LHX6: variants seen among roughly 807,000 people sequenced by gnomAD.
LHX6 encodes LIM/homeobox protein Lhx6.
In LHX6, 15 loss-of-function variants were observed where a neutral mutation model predicts 47.1. The ratio of observed to expected loss-of-function variants is 0.32; its 90% CI spans 0.21 to 0.49. The LOEUF (loss-of-function observed/expected upper bound fraction) is 0.49, where lower values mean the gene tolerates loss of function less well. Ranked by LOEUF, LHX6 falls within the 20% of genes least tolerant of loss-of-function variation. The pLI is 0.99. For missense variants in LHX6, 404 were observed against 539.6 expected (o/e 0.75, Z 2.49); for synonymous variants, 242 against 233.5 (o/e 1.04, Z -0.33).
In LHX6 at chr9:122,214,129, A is replaced by G; in HGVS notation, c.784-60T>C. On this transcript the variant is annotated intron_variant, in intron 6 of 9. Coordinates refer to ENST00000394319, the MANE Select transcript of LHX6 (RefSeq NM_014368.5). The surrounding 1 kb of genome is among the most constrained non-coding windows in gnomAD (Gnocchi z 4.6). ...GCAGAGACTCCGAGACCCCGGCCCA[A>G]TCAGCGGCGCCAGTCCACAGGCCAC... 1 of 1,507,212 alleles carries G rather than the reference A, an allele frequency of 6.6e-7. No homozygotes were observed. The highest frequency in any genetic ancestry group is 9.0e-7 in the Non-Finnish European group (1 of 1,113,366). The allele number at this position is 1,507,212 out of a possible 1,614,324, so 93.4% of individuals were successfully genotyped here. A position where few individuals can be genotyped will look rare whatever the true frequency, so the allele number is the denominator to read the frequency against.
intron 4 of LHX6, among the ~76,000 whole-genome samples, chr9:122,220,420 C>G (rs1248410062): frequency 2.0e-5 from 3 of 152,208 alleles, no homozygotes; most frequent in Non-Finnish European, 4.4e-5. Context: ...TCACCCAGGA[C>G]AGGAGTCAGC....
Position 122,214,459 on chromosome 9 carries a change from G to T in LHX6, c.683-76C>A. 1 of 1,430,864 alleles carries T rather than the reference G, an allele frequency of 7.0e-7. No homozygotes were observed. Among genetic ancestry groups the T allele is most frequent in the Non-Finnish European group, 9.1e-7 (1 of 1,096,744 alleles). 88.6% of individuals were successfully genotyped at this position (1,430,864 alleles called of 1,614,324 possible). A position where few individuals can be genotyped will look rare whatever the true frequency, so the allele number is the denominator to read the frequency against. ...AGCCTGGAAAGGACGGGGGTGGGGG[G>T]AGCTTGTCCCTGGAAGGGTCAGGAG... On this transcript the variant is annotated intron_variant, in intron 5 of 9. Transcript: ENST00000394319. The surrounding 1 kb of genome is among the most constrained non-coding windows in gnomAD (Gnocchi z 4.6).
Position 122,214,080 on chromosome 9 carries a change from G to C in LHX6, c.784-11C>G, listed in dbSNP as rs775389739. 3 of 1,597,724 alleles carry C rather than the reference G, an allele frequency of 1.9e-6. No homozygotes were observed. The highest frequency in any genetic ancestry group is 3.5e-4 in the Middle Eastern group (2 of 5,654). On this transcript the variant is annotated splice_polypyrimidine_tract_variant and intron_variant, in intron 6 of 9. Coordinates refer to ENST00000394319, the MANE Select transcript of LHX6 (RefSeq NM_014368.5). This position sits in a 1 kb window ranked among gnomAD's most constrained non-coding sequence, Gnocchi z 4.6. ...CTGCGCCTGCATAACCTGCGGGGCGGGGAGGGCGGTGAGGCGCTCGCACGC... is the reference window on the plus strand; with the variant it reads ...CTGCGCCTGCATAACCTGCGGGGCGCGGAGGGCGGTGAGGCGCTCGCACGC...
chr9:122,228,716 C>T lies in LHX6; in HGVS notation c.25G>A (p.Ala9Thr). 1 of 1,291,492 alleles carries T rather than the reference C, an allele frequency of 7.7e-7. No individual in the cohort carries two copies. Among genetic ancestry groups the T allele is most frequent in the Non-Finnish European group, 9.8e-7 (1 of 1,018,458 alleles). The allele number at this position is 1,291,492 out of a possible 1,614,324, so 80.0% of individuals were successfully genotyped here. Residue 9 changes from alanine to threonine, a missense_variant, in exon 1 of 10, where the codon GCC becomes ACC. Physicochemically the swap from Ala to Thr is moderately conservative, Grantham distance 58. Around this residue, in one of 7 missense-constraint regions of LHX6, gnomAD observed 144 missense variants for 128.7 expected, o/e 1.12. Transcript: ENST00000394319. Reference protein sequence around the residue: MYWKHENAAPALPEGCRLP... With the variant: MYWKHENATPALPEGCRLP... ...CGGCAGCCCTCGGGCAACGCCGGGG[C>T]GGCGTTCTCATGCTTCCAGTACATG...
At chr9:122,208,834 T>TAAA (rs34355404) in intron 9 of LHX6, among the ~76,000 whole-genome samples, 1 of 117,298 alleles carries the variant, frequency 8.5e-6, no homozygotes. Context: ...AAACTCTGTC[T>TAAA]AAAAAAAAAA....
At chr9:122,207,360 G>A (rs966992713) in intron 9 of LHX6, among the ~76,000 whole-genome samples, 5 of 152,304 alleles carry the variant, frequency 3.3e-5, no homozygotes, top group Admixed American at 2.6e-4. Flanking sequence ...TTACTGAGCC[G>A]CGCAGACTTC....
intron 8 of LHX6, among the ~76,000 whole-genome samples, chr9:122,211,465 C>G (rs764857423): frequency 5.3e-5 from 8 of 152,114 alleles, no homozygotes; most frequent in Non-Finnish European, 1.0e-4. Context: ...TTTAGTTAAC[C>G]GCAGAGCAAA....
In LHX6 at chr9:122,226,646, A is replaced by C; in HGVS notation, c.340-149T>G. Reference sequence around the variant, plus strand: ...TTTTTCTCCCGTAATACTGAGACTCAGGGAAATGGAAATAAACTCTTCTTA... The same window carrying C: ...TTTTTCTCCCGTAATACTGAGACTCCGGGAAATGGAAATAAACTCTTCTTA... On this transcript the variant is annotated intron_variant, in intron 3 of 9. Transcript: ENST00000394319. This position sits in a 1 kb window ranked among gnomAD's most constrained non-coding sequence, Gnocchi z 6.5. The C allele has an allele frequency of 1.5e-6, 2 of 1,292,698 alleles. No individual in the cohort carries two copies. The highest frequency in any genetic ancestry group is 2.9e-5 in the South Asian group (2 of 69,592). The allele number at this position is 1,292,698 out of a possible 1,614,324, so 80.1% of individuals were successfully genotyped here. A position where few individuals can be genotyped will look rare whatever the true frequency, so the allele number is the denominator to read the frequency against.
intron 9 of LHX6, 68 bp downstream of exon 9, chr9:122,209,546 G>GGTACCAAATGGTTAAA: frequency 6.2e-7 from 1 of 1,605,250 alleles, no homozygotes; most frequent in Non-Finnish European, 8.5e-7. Flanking sequence ...GTTAACAGAG[G>GGTACCAAATGGTTAAA]ATGCTGCCAG....
Position 122,214,548 on chromosome 9 carries a change from G to T in LHX6, c.683-165C>A. ...CCCTGAGCTCAGTCTTTGGGGAAGG[G>T]GTTTCTGAGCGTCCGCTTAGTACTG... On this transcript the variant is annotated intron_variant, in intron 5 of 9. Transcript: ENST00000394319. This position sits in a 1 kb window ranked among gnomAD's most constrained non-coding sequence, Gnocchi z 4.6. The T allele has an allele frequency of 1.6e-6, 1 of 625,130 alleles. No homozygotes were observed. The allele number at this position is 625,130 out of a possible 1,614,324, so 38.7% of individuals were successfully genotyped here. A position where few individuals can be genotyped will look rare whatever the true frequency, so the allele number is the denominator to read the frequency against.
Position 122,226,605 on chromosome 9 carries a change from G to A in LHX6, c.340-108C>T, listed in dbSNP as rs1461133436. 4.8e-6 allele frequency: 7 copies of A among 1,463,850 alleles called. No homozygotes were observed. The highest frequency in any genetic ancestry group is 2.4e-4 in the Middle Eastern group (1 of 4,098). The allele number at this position is 1,463,850 out of a possible 1,614,324, so 90.7% of individuals were successfully genotyped here. ...TCAGAGGCGCTGAAGCTCAGAAGGT[G>A]CATGCGATTCCCCTATTTTTCTCCC... On this transcript the variant is annotated intron_variant, in intron 3 of 9. Transcript: ENST00000394319. The surrounding 1 kb of genome is among the most constrained non-coding windows in gnomAD (Gnocchi z 6.5).
chr9:122,213,895 C>T lies in LHX6; in HGVS notation c.879+79G>A, dbSNP rs773618969. ...CTGGAGAAGGATGGCCACGTGCACG[C>T]ACCACCCTCCGCGCCGAGCCCAGCT... On this transcript the variant is annotated intron_variant, in intron 7 of 9. Coordinates refer to ENST00000394319, the MANE Select transcript of LHX6 (RefSeq NM_014368.5). This position sits in a 1 kb window ranked among gnomAD's most constrained non-coding sequence, Gnocchi z 5.5. 2 of 1,520,462 alleles carry T rather than the reference C, an allele frequency of 1.3e-6. No individual in the cohort carries two copies. Among genetic ancestry groups the T allele is most frequent in the African/African-American group, 1.4e-5 (1 of 73,338 alleles). 94.2% of individuals were successfully genotyped at this position (1,520,462 alleles called of 1,614,324 possible). A position where few individuals can be genotyped will look rare whatever the true frequency, so the allele number is the denominator to read the frequency against.
intron 2 of LHX6, 109 bp from the exon 3 acceptor site, chr9:122,227,139 C>T: frequency 3.8e-6 from 4 of 1,058,072 alleles, no homozygotes; most frequent in Non-Finnish European, 5.3e-6. Context: ...CGAAATCTCC[C>T]CAGGACAATG....
intron 4 of LHX6, among the ~76,000 whole-genome samples, chr9:122,219,718 C>T (rs1178490963): frequency 6.6e-6 from 1 of 152,180 alleles, no homozygotes; most frequent in Non-Finnish European, 1.5e-5. Flanking sequence ...ATCGAAGGTT[C>T]AGAGCCGGCG....
Position 122,228,822 on chromosome 9 carries a change from G to C in LHX6, c.-82C>G. 1 of 956,216 alleles carries C rather than the reference G, an allele frequency of 1.0e-6. No homozygotes were observed. The highest frequency in any genetic ancestry group is 1.3e-6 in the Non-Finnish European group (1 of 744,872). The allele number at this position is 956,216 out of a possible 1,614,324, so 59.2% of individuals were successfully genotyped here. On this transcript the variant is annotated 5_prime_UTR_variant, in exon 1 of 10. Transcript: ENST00000394319. ...GACCACAGCCGCAGTGGGAGCAGAG[G>C]CTGCTGCAGGAGCAGGAGGAGAGCC...
intron 9 of LHX6, 57 bp from the exon 10 acceptor site, chr9:122,204,837 C>G (rs761385333): frequency 7.8e-7 from 1 of 1,289,270 alleles, no homozygotes; most frequent in African/African-American, 1.5e-5. Context: ...ACCCTGCTGC[C>G]CCCCAGAGAA....
At chr9:122,227,745 G>A (rs1181573671) in intron 1 of LHX6, 3 of 561,270 alleles carry the variant, frequency 5.3e-6, no homozygotes, top group Admixed American at 8.1e-5. Flanking sequence ...TAGTTCCCTT[G>A]CAATCCAAGC....
At chr9:122,227,953 C>CA in intron 1 of LHX6, 1 of 112,538 alleles carries the variant, frequency 8.9e-6, no homozygotes, top group Non-Finnish European at 1.8e-5. Flanking sequence ...TCTCTCTCCA[C>CA]CCGCCCCCCC....
chr9:122,209,915 G>A (rs944857305), intron 8 of LHX6, among the ~76,000 whole-genome samples, 198 bp from the exon 9 acceptor site: 5 of 151,274 alleles, frequency 3.3e-5, no homozygotes, highest in Non-Finnish European at 5.9e-5. Context: ...TCACCTTGTC[G>A]CCCAGGCTGG....
Sources: allele counts gnomAD v4.1 joint callset (sites outside exome capture counted in the v4.1 genomes callset), GRCh38; gene constraint gnomAD v4.1.1; regional missense constraint gnomAD v4.1.1; non-coding constraint Gnocchi (gnomAD v3.1); transcripts MANE v1.5; gene names NCBI Gene and HGNC (gene_info 2026-07-23, HGNC 2026-07-21).